The following IFFO2 variants were observed in gnomAD, a reference collection of about 807,000 sequenced individuals.
The protein encoded by IFFO2 is intermediate filament family orphan 2.
IFFO2 carries 19 observed loss-of-function variants against 53.5 expected under a neutral mutation model. The ratio of observed to expected loss-of-function variants is 0.36; its 90% CI spans 0.25 to 0.52. IFFO2 has a LOEUF of 0.52. Ranked by LOEUF, IFFO2 falls within the 20% of genes least tolerant of loss-of-function variation. IFFO2 has a pLI of 0.94. For missense variants in IFFO2, 570 were observed against 727.4 expected (o/e 0.78, Z 2.49); for synonymous variants, 303 against 313.6 (o/e 0.97, Z 0.36).
In IFFO2 at chr1:18,908,591, G is replaced by C; in HGVS notation, c.1524C>G (p.Arg508=). The C allele has an allele frequency of 6.4e-7, 1 of 1,551,656 alleles. No homozygotes were observed. The highest frequency in any genetic ancestry group is 8.7e-7 in the Non-Finnish European group (1 of 1,146,916). ...TGACCATGGGCTCCACATCCGCCTCGCGCTCGAACTCATCCTGGATCTCAT... is the reference window on the plus strand; with the variant it reads ...TGACCATGGGCTCCACATCCGCCTCCCGCTCGAACTCATCCTGGATCTCAT... ...STDEIQDEFE[R]EADVEPMVS The change falls in exon 9 of 9, where the codon CGC becomes CGG. Residue 508 remains arginine (R), a synonymous_variant. Transcript: ENST00000455833.
chr1:18,942,334 G>A (rs934859722), intron 1 of IFFO2, among the ~76,000 whole-genome samples: 20 of 152,298 alleles, frequency 1.3e-4, no homozygotes, highest in African/African-American at 4.8e-4. Context: ...CTGGGGATGT[G>A]GCCTGACAAA....
chr1:18,908,732 G>A, intron 8 of IFFO2, 66 bp from the exon 9 acceptor site: 3 of 1,207,996 alleles, frequency 2.5e-6, no homozygotes, highest in South Asian at 1.3e-5. Context: ...GTCAAGGAGT[G>A]GGAAGGCTGA....
chr1:18,956,306 C>A lies in IFFO2; in HGVS notation c.27G>T (p.Glu9Asp). Residue 9 changes from glutamate (E) to aspartate (D), a missense_variant, in exon 1 of 9, where the codon GAG becomes GAT. Coordinates refer to ENST00000455833, the MANE Select transcript of IFFO2 (RefSeq NM_001136265.2). The surrounding 1 kb of genome is among the most constrained non-coding windows in gnomAD (Gnocchi z 6.4). Reference sequence around the variant, plus strand: ...GCGGGCAGCCGAAGGCCAAGGCCATCTCCCCGAACAGCAGCGAGTTCACCA... The same window carrying A: ...GCGGGCAGCCGAAGGCCAAGGCCATATCCCCGAACAGCAGCGAGTTCACCA... MVNSLLFG[E>D]MALAFGCPPG... is the part of the protein sequence containing the mutation. 1 of 487,326 alleles carries A rather than the reference C, an allele frequency of 2.1e-6. No homozygotes were observed. The highest frequency in any genetic ancestry group is 4.7e-5 in the South Asian group (1 of 21,368). 30.2% of individuals were successfully genotyped at this position (487,326 alleles called of 1,614,324 possible).
chr1:18,929,421 C>A (rs1936343364), intron 1 of IFFO2, among the ~76,000 whole-genome samples: 1 of 152,230 alleles, frequency 6.6e-6, no homozygotes, highest in Non-Finnish European at 1.5e-5. Flanking sequence ...CCTGTCCTGG[C>A]CCTCTGGGGA....
intron 2 of IFFO2, 101 bp downstream of exon 2, chr1:18,920,960 C>T: frequency 1.0e-6 from 1 of 952,550 alleles, no homozygotes; most frequent in Non-Finnish European, 1.7e-6. Context: ...AGAGTAGGGG[C>T]TGTGCAAGAA....
At position 18,906,352 on chromosome 1, in the gene IFFO2, T is replaced by A. The variant is rs528777068; in HGVS notation, c.*2209A>T. On this transcript the variant is annotated 3_prime_UTR_variant, in exon 9 of 9. Coordinates refer to ENST00000455833, the MANE Select transcript of IFFO2 (RefSeq NM_001136265.2). ...ACCACAGTAACCTTAGTTACTCCCA[T>A]GCTAACACTGCTGCCTTACAGTCTT... 1 of 152,286 alleles carries A rather than the reference T, an allele frequency of 6.6e-6. No individual in the cohort carries two copies. The highest frequency in any genetic ancestry group is 1.9e-4 in the East Asian group (1 of 5,182). 9.4% of individuals were successfully genotyped at this position (152,286 alleles called of 1,614,324 possible).
intron 1 of IFFO2, among the ~76,000 whole-genome samples, chr1:18,930,815 C>T (rs6426804): frequency 0.43 from 65,216 of 152,094 alleles, 15,953 homozygotes; most frequent in African/African-American, 0.65. Flanking sequence ...TGTCCAATTC[C>T]CTCCTGTCTA....
intron 1 of IFFO2, among the ~76,000 whole-genome samples, chr1:18,952,725 A>T (rs545595157): frequency 5.6e-4 from 85 of 152,266 alleles, no homozygotes; most frequent in South Asian, 1.0e-3. Context: ...CTGTAAATGG[A>T]CATGAAGGAT....
In IFFO2 at chr1:18,919,027, C is replaced by T. The variant is rs768574416; in HGVS notation, c.823-525G>A. Among the ~76,000 whole-genome samples, 8 of 152,092 alleles carry T rather than the reference C, an allele frequency of 5.3e-5. No individual in the cohort carries two copies. The highest frequency in any genetic ancestry group is 9.7e-5 in the African/African-American group (4 of 41,412). ...CTACCAACCACACCCAGCTTCACGT[C>T]CCTCCACACCAGGAGCCATGCCAGG... is the stretch of plus-strand genomic sequence containing the variant. On this transcript the variant is annotated intron_variant, in intron 3 of 8. Transcript: ENST00000455833. The surrounding 1 kb of genome is among the most constrained non-coding windows in gnomAD (Gnocchi z 4.9).
intron 1 of IFFO2, among the ~76,000 whole-genome samples, chr1:18,925,987 GA>G (rs1294085927): frequency 8.2e-5 from 12 of 145,474 alleles, no homozygotes; most frequent in South Asian, 4.5e-4. Context: ...TGGATGGATG[GA>G]TGGATGGATG....
chr1:18,953,515 A>G (rs1936683505), intron 1 of IFFO2, among the ~76,000 whole-genome samples: 2 of 152,228 alleles, frequency 1.3e-5, no homozygotes, highest in Middle Eastern at 3.4e-3. Context: ...ATTCAAGGAA[A>G]CCCTAAAGCA....
chr1:18,921,200 C>T, intron 1 of IFFO2, 79 bp from the exon 2 acceptor site: 1 of 1,222,192 alleles, frequency 8.2e-7, no homozygotes, highest in African/African-American at 1.5e-5. Context: ...ACCCCAACAC[C>T]CACCCAGGGA....
rs552572692 is a variant in IFFO2, at chr1:18,913,554, G to A, written c.1104-1471C>T. ...TGGCCCCAGCGGGGGAGACCCACAC[G>A]TTCCCCCTCTTCTCCTTGGTCTGAA... On this transcript the variant is annotated intron_variant, in intron 5 of 8. Coordinates refer to ENST00000455833, the MANE Select transcript of IFFO2 (RefSeq NM_001136265.2). Among the ~76,000 whole-genome samples the A allele has an allele frequency of 3.5e-3, 540 of 152,344 alleles. 5 individuals are homozygous for A. Among genetic ancestry groups the A allele is most frequent in the African/African-American group, 0.012 (507 of 41,582 alleles).
Position 18,928,082 on chromosome 1 carries a change from T to C in IFFO2, c.666-6961A>G, listed in dbSNP as rs746269923. ...ATGCACGTGTGGATGCCTTGCCTCC[T>C]GACTTTCTCTCCCACATGGCACGCT... On this transcript the variant is annotated intron_variant, in intron 1 of 8. Coordinates refer to ENST00000455833, the MANE Select transcript of IFFO2 (RefSeq NM_001136265.2). This position sits in a 1 kb window ranked among gnomAD's most constrained non-coding sequence, Gnocchi z 4.9. Among the ~76,000 whole-genome samples the C allele has an allele frequency of 3.3e-5, 5 of 152,216 alleles. No individual in the cohort carries two copies. The highest frequency in any genetic ancestry group is 7.3e-5 in the Non-Finnish European group (5 of 68,038).
In IFFO2 at chr1:18,918,556, G is replaced by T. The variant is rs1936169413; in HGVS notation, c.823-54C>A. On this transcript the variant is annotated intron_variant, in intron 3 of 8. Coordinates refer to ENST00000455833, the MANE Select transcript of IFFO2 (RefSeq NM_001136265.2). This position sits in a 1 kb window ranked among gnomAD's most constrained non-coding sequence, Gnocchi z 5.2. ...AGCGAGGGATGGAGCAAGCCTGGGGGGCTTGGCAGAGAGGTGGGGAGACCC... is the reference window on the plus strand; with the variant it reads ...AGCGAGGGATGGAGCAAGCCTGGGGTGCTTGGCAGAGAGGTGGGGAGACCC... The T allele has an allele frequency of 1.9e-6, 3 of 1,539,946 alleles. No homozygotes were observed. The highest frequency in any genetic ancestry group is 2.0e-5 in the Admixed American group (1 of 50,734).
chr1:18,911,956 G>A lies in IFFO2; in HGVS notation c.1224+7C>T, dbSNP rs1936046681. ...CTGGCCTTTGGGAAGCCAGGCGCTG[G>A]GCTTACCTCGCCCTGCAGGTCGATG... On this transcript the variant is annotated splice_region_variant and intron_variant, in intron 6 of 8. Transcript: ENST00000455833. 1 of 1,551,490 alleles carries A rather than the reference G, an allele frequency of 6.4e-7. No homozygotes were observed. The highest frequency in any genetic ancestry group is 2.0e-5 in the Admixed American group (1 of 50,992).
intron 1 of IFFO2, among the ~76,000 whole-genome samples, chr1:18,929,712 GC>G (rs1197699757): frequency 6.6e-6 from 1 of 152,010 alleles, no homozygotes; most frequent in Admixed American, 6.6e-5. Flanking sequence ...CTGGGCTCCG[GC>G]CCCCCAGCCA....
At chr1:18,909,456 T>C (rs990936810) in intron 8 of IFFO2, among the ~76,000 whole-genome samples, 1 of 152,168 alleles carries the variant, frequency 6.6e-6, no homozygotes, top group African/African-American at 2.4e-5. Context: ...GGTTTGGCTG[T>C]GTTCCCACCC....
chr1:18,916,890 CG>C lies in IFFO2; in HGVS notation c.1103+12del, dbSNP rs764861740. The C allele has an allele frequency of 1.9e-6, 3 of 1,551,576 alleles. No individual in the cohort carries two copies. The South Asian group carries it at 3.6e-5, about 18-fold the overall frequency. On this transcript the variant is annotated intron_variant, in intron 5 of 8. Coordinates refer to ENST00000455833, the MANE Select transcript of IFFO2 (RefSeq NM_001136265.2). This position sits in a 1 kb window ranked among gnomAD's most constrained non-coding sequence, Gnocchi z 4.3. The stretch of plus-strand genomic sequence containing the variant: ...GGGGAAACGGAGAGTGTGCGGGCCA[CG>C]GGGATACTCACAGCTGGTTAAACAT...
Sources: gnomAD v4.1 joint callset for allele counts (sites outside exome capture counted in the v4.1 genomes callset) on GRCh38, gnomAD v4.1.1 for gene constraint, Gnocchi (gnomAD v3.1) non-coding constraint, MANE v1.5 for transcripts, NCBI Gene and HGNC (gene_info 2026-07-23, HGNC 2026-07-21) for gene names.